Variants in PAK5 observed in about 807,000 individuals in gnomAD.
PAK5 encodes serine/threonine-protein kinase PAK 5.
Under a neutral mutation model 65.9 loss-of-function variants are expected in PAK5, and 16 were observed. That is an observed-to-expected ratio of 0.24 (90% CI 0.16 to 0.37). PAK5 has a LOEUF of 0.37. PAK5 is among the 10% of genes least tolerant of loss of function. The probability of loss-of-function intolerance (pLI) is 1.00; values close to 1 mark genes in which losing one functional copy is unlikely to be tolerated. For synonymous variants in PAK5, 371 were observed against 354.9 expected (o/e 1.05, Z -0.51); for missense variants, 785 against 903.9 (o/e 0.87, Z 1.69).
In PAK5 at chr20:9,580,638, G is replaced by A. The variant is rs762069361; in HGVS notation, c.497C>T (p.Ala166Val). The A allele has an allele frequency of 2.0e-5, 33 of 1,613,938 alleles. 2 individuals carry two copies. In the Admixed American group the frequency reaches 4.5e-4, roughly 22 times the overall value. Residue 166 changes from alanine (A) to valine (V), a missense_variant, in exon 4 of 10, where the codon GCC (alanine) becomes GTC (valine). This residue lies in a region of PAK5 where 422 missense variants were observed against 413.3 expected (regional missense o/e 1.02). Transcript: ENST00000353224. ...TTTCATTACGTGCCCATTTTGCTTG[G>A]CTGCGTGGCTGCCTCTATAATACGG... The part of the protein sequence containing the change: ...LDPYYRGSHA[A>V]KQNGHVMKMK...
intron 1 of PAK5, among the ~76,000 whole-genome samples, chr20:9,815,961 G>A (rs2049352264): frequency 6.6e-6 from 1 of 152,138 alleles, no homozygotes; most frequent in African/African-American, 2.4e-5. Context: ...ACCATTCAGA[G>A]AGCTCCAAAG....
intron 2 of PAK5, among the ~76,000 whole-genome samples, chr20:9,661,488 C>T (rs1005530489): frequency 4.6e-5 from 7 of 152,128 alleles, no homozygotes; most frequent in Admixed American, 4.6e-4. Context: ...CCTGAGAAGA[C>T]CTTTTTTATG....
At chr20:9,794,044 G>A (rs894609896) in intron 1 of PAK5, among the ~76,000 whole-genome samples, 1 of 151,994 alleles carries the variant, frequency 6.6e-6, no homozygotes, top group African/African-American at 2.4e-5. Flanking sequence ...GGATGAAGCT[G>A]GAAGCCATCA....
intron 2 of PAK5, among the ~76,000 whole-genome samples, chr20:9,657,781 A>T (rs987795764): frequency 1.3e-5 from 2 of 152,194 alleles, no homozygotes; most frequent in Non-Finnish European, 2.9e-5. Context: ...GAAACAGAGC[A>T]TTCCAGGCAA....
intron 5 of PAK5, among the ~76,000 whole-genome samples, chr20:9,564,051 G>A (rs2045633620): frequency 1.3e-5 from 2 of 152,156 alleles, no homozygotes; most frequent in South Asian, 4.1e-4. Flanking sequence ...ATTGTTCTGG[G>A]AGTTAGAAGA....
chr20:9,675,046 C>G (rs964492176), intron 2 of PAK5, among the ~76,000 whole-genome samples: 3 of 152,132 alleles, frequency 2.0e-5, no homozygotes, highest in Non-Finnish European at 4.4e-5. Flanking sequence ...CACAATTCCT[C>G]CTAAATAGGA....
At chr20:9,829,505 C>T (rs1030354845) in intron 1 of PAK5, among the ~76,000 whole-genome samples, 1 of 152,164 alleles carries the variant, frequency 6.6e-6, no homozygotes, top group Non-Finnish European at 1.5e-5. Context: ...AGGTAAAATA[C>T]TTGGATGTGG....
intron 1 of PAK5, among the ~76,000 whole-genome samples, chr20:9,835,198 C>A (rs566481047): frequency 2.0e-5 from 3 of 152,318 alleles, no homozygotes; most frequent in Non-Finnish European, 1.5e-5. Context: ...TCATTGAGCA[C>A]CTTCTGCATA....
Position 9,562,872 on chromosome 20 carries a change from G to A in PAK5, c.1616+19C>T. ...GAATAAGAAGCACCTCGAATTCTCT[G>A]GATAATAAAGAAGCCTACCTGGTGT... On this transcript the variant is annotated intron_variant, in intron 6 of 9. Coordinates refer to ENST00000353224, the MANE Select transcript of PAK5 (RefSeq NM_177990.4). The A allele has an allele frequency of 6.2e-7, 1 of 1,606,274 alleles. No individual in the cohort carries two copies.
intron 3 of PAK5, among the ~76,000 whole-genome samples, chr20:9,634,722 T>C (rs1440307565): frequency 1.3e-5 from 2 of 152,152 alleles, no homozygotes; most frequent in Non-Finnish European, 2.9e-5. Flanking sequence ...CTTCTTTTAT[T>C]TGGAAACAAG....
intron 2 of PAK5, among the ~76,000 whole-genome samples, chr20:9,705,155 C>T (rs2047990253): frequency 6.6e-6 from 1 of 151,980 alleles, no homozygotes; most frequent in Non-Finnish European, 1.5e-5. Context: ...GTCCAAAATG[C>T]CATCACTGCT....
At chr20:9,753,895 T>C (rs2048603956) in intron 1 of PAK5, among the ~76,000 whole-genome samples, 1 of 152,136 alleles carries the variant, frequency 6.6e-6, no homozygotes, top group African/African-American at 2.4e-5. Context: ...TGAGCCCTTA[T>C]TTTGTGCTTG....
chr20:9,557,952 G>C (rs1314827575), intron 6 of PAK5, among the ~76,000 whole-genome samples: 2 of 152,170 alleles, frequency 1.3e-5, no homozygotes, highest in African/African-American at 4.8e-5. Flanking sequence ...TCAAAGGAAA[G>C]AGATCACTAT....
At chr20:9,694,383 T>A (rs562839730) in intron 2 of PAK5, among the ~76,000 whole-genome samples, 1 of 151,584 alleles carries the variant, frequency 6.6e-6, no homozygotes, top group East Asian at 1.9e-4. Context: ...GGGAGGGTCA[T>A]GGGGTATGAC....
intron 6 of PAK5, among the ~76,000 whole-genome samples, chr20:9,562,462 C>T (rs187926751): frequency 6.2e-4 from 94 of 152,294 alleles, no homozygotes; most frequent in Non-Finnish European, 1.1e-3. Context: ...CTCTGTGCCA[C>T]CCAGATTCAT....
At position 9,537,885 on chromosome 20, in the gene PAK5, A is replaced by G. The variant is rs2045195850; in HGVS notation, c.*1577T>C. On this transcript the variant is annotated 3_prime_UTR_variant, in exon 10 of 10. Coordinates refer to ENST00000353224, the MANE Select transcript of PAK5 (RefSeq NM_177990.4). The stretch of plus-strand genomic sequence containing the variant: ...TCATTTTATGCCTTTTTTCCTTTTT[A>G]GCAGTGATAAATAATTAGCAACCTA... 2 of 228,688 alleles carry G rather than the reference A, an allele frequency of 8.7e-6. No individual in the cohort carries two copies. The highest frequency in any genetic ancestry group is 1.7e-5 in the Non-Finnish European group (2 of 115,142). 14.2% of individuals were successfully genotyped at this position (228,688 alleles called of 1,614,324 possible). A position where few individuals can be genotyped will look rare whatever the true frequency, so the allele number is the denominator to read the frequency against.
At chr20:9,610,112 T>A (rs1337292801) in intron 3 of PAK5, among the ~76,000 whole-genome samples, 2 of 152,104 alleles carry the variant, frequency 1.3e-5, no homozygotes, top group African/African-American at 4.8e-5. Flanking sequence ...CGCAAGGTCT[T>A]AAAGTCATCT....
chr20:9,722,728 T>C (rs1265136004), intron 1 of PAK5, among the ~76,000 whole-genome samples: 1 of 151,948 alleles, frequency 6.6e-6, no homozygotes, highest in Non-Finnish European at 1.5e-5. Context: ...TAAGTCCCAA[T>C]AGAATCCAAT....
intron 7 of PAK5, among the ~76,000 whole-genome samples, chr20:9,552,158 A>C (rs979083706): frequency 6.6e-6 from 1 of 152,160 alleles, no homozygotes; most frequent in African/African-American, 2.4e-5. Context: ...CCAAGTTTTG[A>C]TTTGTGGCAA....
Sources: gnomAD v4.1 joint callset for allele counts (sites outside exome capture counted in the v4.1 genomes callset) on GRCh38, gnomAD v4.1.1 for gene constraint, gnomAD v4.1.1 regional missense constraint, MANE v1.5 for transcripts, NCBI Gene and HGNC (gene_info 2026-07-23, HGNC 2026-07-21) for gene names.